ZNF90: variants seen among roughly 807,000 people sequenced by gnomAD.
ZNF90 encodes the protein zinc finger protein HTF9.
A neutral mutation model predicts 12.0 loss-of-function variants in ZNF90; 11 were observed. The observed-to-expected ratio is 0.92, with a 90% CI of 0.58 to 1.52. ZNF90 has a LOEUF of 1.52. Among genes scored for constraint, ZNF90 ranks in the 40% most tolerant of loss-of-function variants. The probability of loss-of-function intolerance (pLI) is 0.00; values close to 1 mark genes in which losing one functional copy is unlikely to be tolerated. For synonymous variants in ZNF90, 232 were observed against 240.1 expected (o/e 0.97, Z 0.31); for missense variants, 765 against 711.5 (o/e 1.08, Z -0.86).
intron 1 of ZNF90, among the ~76,000 whole-genome samples, chr19:20,098,610 G>A (rs1427687020): frequency 2.0e-5 from 3 of 152,176 alleles, no homozygotes; most frequent in African/African-American, 4.8e-5. Context: ...AGGTTCTGGA[G>A]CTCCACCAAG....
chr19:20,082,057 C>T (rs1370734157), intron 1 of ZNF90, among the ~76,000 whole-genome samples: 1 of 152,080 alleles, frequency 6.6e-6, no homozygotes, highest in Non-Finnish European at 1.5e-5. Context: ...AGCCACCGCG[C>T]CTGGCCTGTT....
Position 20,119,601 on chromosome 19 carries a change from G to C in ZNF90, c.*241G>C. 2 of 387,418 alleles carry C rather than the reference G, an allele frequency of 5.2e-6. No individual in the cohort carries two copies. Among genetic ancestry groups the C allele is most frequent in the Non-Finnish European group, 4.6e-6 (1 of 219,640 alleles). The allele number at this position is 387,418 out of a possible 1,614,324, so 24.0% of individuals were successfully genotyped here. On this transcript the variant is annotated 3_prime_UTR_variant, in exon 4 of 4. Coordinates refer to ENST00000418063, the MANE Select transcript of ZNF90 (RefSeq NM_007138.2). ...CTACAGGTGTGAAAAATGCAGCAAA[G>C]CCTATAACAAGTTCTCAATTCTTTT...
At chr19:20,086,724 A>T (rs782024805) in intron 1 of ZNF90, among the ~76,000 whole-genome samples, 3 of 152,246 alleles carry the variant, frequency 2.0e-5, no homozygotes, top group Non-Finnish European at 4.4e-5. Context: ...TGACTAGTTC[A>T]TTAAAATGAT....
intron 1 of ZNF90, among the ~76,000 whole-genome samples, chr19:20,081,923 C>T (rs778159745): frequency 6.6e-6 from 1 of 151,930 alleles, no homozygotes; most frequent in Non-Finnish European, 1.5e-5. Flanking sequence ...TGCCACTACC[C>T]CCGGCTAATT....
chr19:20,099,066 CA>C (rs2088969860), intron 1 of ZNF90, among the ~76,000 whole-genome samples: 1 of 152,124 alleles, frequency 6.6e-6, no homozygotes, highest in East Asian at 1.9e-4. Context: ...GTTGGTACAA[CA>C]AATACACGTG....
intron 1 of ZNF90, among the ~76,000 whole-genome samples, chr19:20,102,663 C>T (rs1411333100): frequency 6.6e-6 from 1 of 152,152 alleles, no homozygotes; most frequent in Non-Finnish European, 1.5e-5. Context: ...TCCTTTGTAG[C>T]TGTTGAACAT....
chr19:20,113,665 A>T (rs1404153771), intron 3 of ZNF90, among the ~76,000 whole-genome samples: 1 of 151,932 alleles, frequency 6.6e-6, no homozygotes, highest in Non-Finnish European at 1.5e-5. Context: ...CGTCTGTACT[A>T]AAAATACAAA....
At chr19:20,116,729 G>A (rs1371187411) in intron 3 of ZNF90, among the ~76,000 whole-genome samples, 1 of 152,016 alleles carries the variant, frequency 6.6e-6, no homozygotes, top group Admixed American at 6.6e-5. Flanking sequence ...TCTAAATTTT[G>A]TGTTTATTGT....
At chr19:20,085,610 T>C (rs1238242033) in intron 1 of ZNF90, among the ~76,000 whole-genome samples, 4 of 152,200 alleles carry the variant, frequency 2.6e-5, no homozygotes, top group Non-Finnish European at 5.9e-5. Context: ...TCTTTCTCTC[T>C]TTTGGTTTTT....
chr19:20,093,576 T>G (rs1260079193), intron 1 of ZNF90, among the ~76,000 whole-genome samples: 14 of 151,944 alleles, frequency 9.2e-5, no homozygotes, highest in African/African-American at 3.4e-4. Context: ...GATAATTTGG[T>G]TAAAATATCT....
At chr19:20,090,667 C>G (rs947975416) in intron 1 of ZNF90, among the ~76,000 whole-genome samples, 5 of 152,134 alleles carry the variant, frequency 3.3e-5, no homozygotes, top group African/African-American at 1.2e-4. Context: ...GATTAGAAGC[C>G]TGGTGAATTT....
In ZNF90 at chr19:20,119,243, A is replaced by C. The variant is rs1555706299; in HGVS notation, c.1689A>C (p.Lys563Asn). ...TSHKISHTGE[K>N]PYKCEECGKA... ...ATAAGATAAGTCATACTGGAGAGAA[A>C]CCCTACAAATGTGAAGAATGTGGCA... The change falls in exon 4 of 4, where the codon AAA becomes AAC. Residue 563 changes from lysine (K) to asparagine (N), a missense_variant. Coordinates refer to ENST00000418063, the MANE Select transcript of ZNF90 (RefSeq NM_007138.2). The C allele has an allele frequency of 4.3e-6, 7 of 1,613,680 alleles. No homozygotes were observed. The highest frequency in any genetic ancestry group is 5.9e-6 in the Non-Finnish European group (7 of 1,179,916).
chr19:20,081,302 C>T (rs2088817914), intron 1 of ZNF90, among the ~76,000 whole-genome samples: 1 of 152,108 alleles, frequency 6.6e-6, no homozygotes, highest in Non-Finnish European at 1.5e-5. Flanking sequence ...GATTCTTCTG[C>T]CTCAGCCTCC....
intron 3 of ZNF90, among the ~76,000 whole-genome samples, chr19:20,111,512 G>A (rs1338485557): frequency 2.0e-5 from 3 of 151,764 alleles, no homozygotes; most frequent in South Asian, 2.1e-4. Context: ...ATTTTATTAA[G>A]TAGTTTAATT....
chr19:20,081,189 AT>A (rs112090867), intron 1 of ZNF90, among the ~76,000 whole-genome samples: 2 of 150,656 alleles, frequency 1.3e-5, no homozygotes, highest in African/African-American at 4.9e-5. Flanking sequence ...TCATTATGCC[AT>A]TTTTTTTTCT....
At chr19:20,110,557 A>G (rs1555704983) in intron 3 of ZNF90, among the ~76,000 whole-genome samples, 1 of 152,078 alleles carries the variant, frequency 6.6e-6, no homozygotes, top group Non-Finnish European at 1.5e-5. Flanking sequence ...GAACCACTGC[A>G]CCTGGACTTT....
intron 3 of ZNF90, among the ~76,000 whole-genome samples, chr19:20,108,922 A>C (rs1725928): frequency 0.27 from 40,478 of 151,296 alleles, 6,094 homozygotes; most frequent in East Asian, 0.48. Flanking sequence ...ACGGTGTTTC[A>C]CCATATTGGC....
chr19:20,119,357 T>C lies in ZNF90; in HGVS notation c.1803T>C (p.Leu601=). Reference sequence around the variant, plus strand: ...ACATAGTGAAGAACATGGCAAATCTTTGAAATATTCCTCAACCCTTAATAA... The same window carrying C: ...ACATAGTGAAGAACATGGCAAATCTCTGAAATATTCCTCAACCCTTAATAA... ...KAYIVKNMAN[L] The change falls in exon 4 of 4, where the codon CTT becomes CTC. Residue 601 remains leucine (L), a synonymous_variant. Transcript: ENST00000418063. The C allele has an allele frequency of 6.3e-7, 1 of 1,576,040 alleles. No homozygotes were observed. The highest frequency in any genetic ancestry group is 1.7e-4 in the Middle Eastern group (1 of 5,956).
At chr19:20,098,714 A>G (rs139293456) in intron 1 of ZNF90, among the ~76,000 whole-genome samples, 4 of 152,314 alleles carry the variant, frequency 2.6e-5, no homozygotes, top group Non-Finnish European at 4.4e-5. Context: ...TTCTGTCACA[A>G]TCATCTAGAT....
Sources: gnomAD v4.1 joint callset for allele counts (sites outside exome capture counted in the v4.1 genomes callset) on GRCh38, gnomAD v4.1.1 for gene constraint, MANE v1.5 for transcripts, NCBI Gene and HGNC (gene_info 2026-07-23, HGNC 2026-07-21) for gene names.